AFP: variants seen among roughly 807,000 people sequenced by gnomAD.
AFP encodes the protein alpha-fetoprotein.
Under a neutral mutation model 78.9 loss-of-function variants are expected in AFP, and 64 were observed. That is an observed-to-expected ratio of 0.81 (90% confidence interval 0.66 to 1.00). AFP has a LOEUF of 1.00. Among genes scored for constraint, AFP ranks in the 50% least tolerant of loss-of-function variants. AFP has a pLI of 0.00. For synonymous variants in AFP, 254 were observed against 243.8 expected (o/e 1.04, Z -0.39); for missense variants, 689 against 703.8 (o/e 0.98, Z 0.24).
At chr4:73,452,763 A>G in intron 12 of AFP, 139 bp downstream of exon 12, 1 of 770,174 alleles carries the variant, frequency 1.3e-6, no homozygotes, top group Non-Finnish European at 2.2e-6. Flanking sequence ...CTTTGAAAAT[A>G]GTTTTGTCTC....
Position 73,438,041 on chromosome 4 carries a change from T to G in AFP, c.138-133T>G, listed in dbSNP as rs940710396. 4 of 1,311,996 alleles carry G rather than the reference T, an allele frequency of 3.0e-6. No individual in the cohort carries two copies. In the African/African-American group the frequency reaches 6.0e-5, roughly 20 times the overall value. 81.3% of individuals were successfully genotyped at this position (1,311,996 alleles called of 1,614,324 possible). A position where few individuals can be genotyped will look rare whatever the true frequency, so the allele number is the denominator to read the frequency against. On this transcript the variant is annotated intron_variant, in intron 2 of 14. Transcript: ENST00000395792. Reference sequence around the variant, plus strand: ...TGACCTGGAAGCTAATTTTACATAATTTTACAAATCAAATGTCTAAACAGA... The same window carrying G: ...TGACCTGGAAGCTAATTTTACATAAGTTTACAAATCAAATGTCTAAACAGA...
At chr4:73,436,628 A>G (rs1405408044) in intron 1 of AFP, among the ~76,000 whole-genome samples, 1 of 151,582 alleles carries the variant, frequency 6.6e-6, no homozygotes, top group African/African-American at 2.4e-5. Context: ...AATTATATAT[A>G]TACACATATA....
In AFP at chr4:73,453,852, G is replaced by A; in HGVS notation, c.1740G>A (p.Glu580=). 6.2e-7 allele frequency: 1 copy of A among 1,613,808 alleles called. No individual in the cohort carries two copies. Among genetic ancestry groups the A allele is most frequent in the Non-Finnish European group, 8.5e-7 (1 of 1,179,790 alleles). Reference sequence around the variant, plus strand: ...TTGCAGATTTCTCAGGCCTGTTGGAGAAATGCTGCCAAGGCCAGGAACAGG... The same window carrying A: ...TTGCAGATTTCTCAGGCCTGTTGGAAAAATGCTGCCAAGGCCAGGAACAGG... ...AVIADFSGLL[E]KCCQGQEQEV... is the part of the protein sequence containing the mutation. Residue 580 remains glutamate, a synonymous_variant, in exon 13 of 15, where the codon GAG becomes GAA. Coordinates refer to ENST00000395792, the MANE Select transcript of AFP (RefSeq NM_001134.3).
At chr4:73,437,833 G>C (rs1455115361) in intron 2 of AFP, among the ~76,000 whole-genome samples, 1 of 150,832 alleles carries the variant, frequency 6.6e-6, no homozygotes, top group African/African-American at 2.4e-5. Flanking sequence ...ATTTTTTTTT[G>C]CTTAAATTTA....
intron 10 of AFP, 112 bp downstream of exon 10, chr4:73,450,245 T>C (rs1719950002): frequency 2.2e-6 from 2 of 924,052 alleles, no homozygotes; most frequent in Non-Finnish European, 1.7e-6. Flanking sequence ...GTCTGATCTG[T>C]GGTATTGACT....
At chr4:73,438,510 T>C (rs936849955) in intron 3 of AFP, among the ~76,000 whole-genome samples, 27 of 152,222 alleles carry the variant, frequency 1.8e-4, no homozygotes, top group African/African-American at 5.3e-4. Flanking sequence ...ATAAATATGA[T>C]GACTGAGAGC....
At chr4:73,448,422 A>C (rs1189173458) in intron 8 of AFP, among the ~76,000 whole-genome samples, 1 of 152,164 alleles carries the variant, frequency 6.6e-6, no homozygotes, top group Non-Finnish European at 1.5e-5. Context: ...TCTGATTCTA[A>C]CGTAGTAATA....
chr4:73,436,440 AT>A, intron 1 of AFP, 93 bp downstream of exon 1: 2 of 714,268 alleles, frequency 2.8e-6, no homozygotes, highest in South Asian at 1.9e-5. Flanking sequence ...TATTATTCAT[AT>A]TTATTATTCC....
At position 73,445,069 on chromosome 4, in the gene AFP, C is replaced by T; in HGVS notation, c.790C>T (p.His264Tyr). Residue 264 changes from histidine (H) to tyrosine (Y), a missense_variant, in exon 7 of 15, where the codon CAT becomes TAT. Transcript: ENST00000395792. ...CCAGAAACTAGTCCTGGATGTGGCC[C>T]ATGTACATGAGCACTGTTGCAGAGG... is the stretch of plus-strand genomic sequence containing the variant. ...EIQKLVLDVAHVHEHCCRGDV... is the reference protein window; with the variant it reads ...EIQKLVLDVAYVHEHCCRGDV... The T allele has an allele frequency of 6.2e-7, 1 of 1,613,936 alleles. No individual in the cohort carries two copies. Among genetic ancestry groups the T allele is most frequent in the African/African-American group, 1.3e-5 (1 of 75,020 alleles).
chr4:73,453,647 T>C, intron 12 of AFP, 118 bp from the exon 13 acceptor site: 2 of 1,177,380 alleles, frequency 1.7e-6, no homozygotes, highest in Non-Finnish European at 2.5e-6. Flanking sequence ...GTGGTCAGTC[T>C]GGTGATAGGT....
intron 5 of AFP, 25 bp from the exon 6 acceptor site, chr4:73,443,322 G>T (rs1277750665): frequency 6.5e-7 from 1 of 1,545,586 alleles, no homozygotes; most frequent in South Asian, 1.1e-5. Context: ...ATGCTTTCAT[G>T]ACATTTTGTT....
At chr4:73,453,977 T>C in intron 13 of AFP, 80 bp downstream of exon 13, 1 of 1,519,834 alleles carries the variant, frequency 6.6e-7, no homozygotes, top group Non-Finnish European at 9.1e-7. Context: ...ACCCTACAAA[T>C]TTATAACTTT....
At chr4:73,436,456 G>T in intron 1 of AFP, 109 bp downstream of exon 1, 1 of 652,300 alleles carries the variant, frequency 1.5e-6, no homozygotes, top group Non-Finnish European at 2.6e-6. Flanking sequence ...TATTCCACAT[G>T]GAGAAAAAAT....
rs1240730157 is a variant in AFP at position 73,436,227 on chromosome 4, C to T, written c.-36C>T. ...TTTCAGCATGATTTTCCATATTGTG[C>T]TTCCACCACTGCCAATAACAAAATA... On this transcript the variant is annotated 5_prime_UTR_variant, in exon 1 of 15. Coordinates refer to ENST00000395792, the MANE Select transcript of AFP (RefSeq NM_001134.3). 7.2e-7 allele frequency: 1 copy of T among 1,379,784 alleles called. No individual in the cohort carries two copies. The highest frequency in any genetic ancestry group is 1.2e-5 in the South Asian group (1 of 85,508). The allele number at this position is 1,379,784 out of a possible 1,614,324, so 85.5% of individuals were successfully genotyped here. A position where few individuals can be genotyped will look rare whatever the true frequency, so the allele number is the denominator to read the frequency against.
intron 4 of AFP, 89 bp downstream of exon 4, chr4:73,440,902 T>G: frequency 8.3e-7 from 1 of 1,201,514 alleles, no homozygotes; most frequent in Non-Finnish European, 1.2e-6. Context: ...ACTCATGTAC[T>G]CCCAGTAAGA....
intron 2 of AFP, 113 bp downstream of exon 2, chr4:73,437,324 A>G (rs984202430): frequency 1.2e-6 from 1 of 829,802 alleles, no homozygotes; most frequent in Admixed American, 2.1e-5. Context: ...CAATTTGGAC[A>G]ATTTCAAGAA....
chr4:73,436,546 T>C (rs985884934), intron 1 of AFP, among the ~76,000 whole-genome samples, 199 bp downstream of exon 1: 1 of 151,762 alleles, frequency 6.6e-6, no homozygotes, highest in Non-Finnish European at 1.5e-5. Flanking sequence ...CAGTGTTTAA[T>C]GGATGAATGG....
intron 2 of AFP, 98 bp from the exon 3 acceptor site, chr4:73,438,075 TA>T (rs2149332800): frequency 6.5e-7 from 1 of 1,527,266 alleles, no homozygotes; most frequent in South Asian, 1.2e-5. Flanking sequence ...GATTACAACA[TA>T]AATAGAAAAC....
At chr4:73,441,303 A>G (rs974295063) in intron 4 of AFP, among the ~76,000 whole-genome samples, 7 of 152,094 alleles carry the variant, frequency 4.6e-5, no homozygotes, top group Non-Finnish European at 7.4e-5. Flanking sequence ...GCGGTGGCTC[A>G]CGCTTGTAAT....
Sources: allele counts gnomAD v4.1 joint callset (sites outside exome capture counted in the v4.1 genomes callset), GRCh38; gene constraint gnomAD v4.1.1; transcripts MANE v1.5; gene names NCBI Gene and HGNC (gene_info 2026-07-23, HGNC 2026-07-21).